AGBL4: variants seen among roughly 807,000 people sequenced by gnomAD.
The protein encoded by AGBL4 is AGBL carboxypeptidase 4.
A neutral mutation model predicts 66.4 loss-of-function variants in AGBL4; 58 were observed. That is an observed-to-expected ratio of 0.87 (90% CI 0.71 to 1.09). AGBL4 has a LOEUF of 1.09. Ranked by LOEUF, AGBL4 falls within the 50% of genes least tolerant of loss-of-function variation. The pLI, the probability that AGBL4 is intolerant of heterozygous loss-of-function variation, is 0.00. For synonymous variants in AGBL4, 234 were observed against 222.9 expected (o/e 1.05, Z -0.44); for missense variants, 579 against 631.0 (o/e 0.92, Z 0.88).
intron 5 of AGBL4, among the ~76,000 whole-genome samples, chr1:48,868,682 C>T (rs1648351102): frequency 6.6e-6 from 1 of 152,142 alleles, no homozygotes; most frequent in Non-Finnish European, 1.5e-5. Context: ...TAAGATGGCT[C>T]TTACTTTTTC....
chr1:50,002,456 G>A (rs1021090095), intron 1 of AGBL4, among the ~76,000 whole-genome samples: 40 of 137,152 alleles, frequency 2.9e-4, no homozygotes, highest in African/African-American at 3.1e-4. Context: ...TGCAAGCTCC[G>A]CCTCCCGGGT....
At chr1:48,663,025 C>T in intron 7 of AGBL4, 127 bp downstream of exon 7, 1 of 833,970 alleles carries the variant, frequency 1.2e-6, no homozygotes, top group South Asian at 1.7e-5. Flanking sequence ...GGTAAAATCT[C>T]TTTAAAGAAA....
intron 6 of AGBL4, among the ~76,000 whole-genome samples, chr1:48,724,866 G>T (rs913499527): frequency 1.3e-5 from 2 of 152,164 alleles, no homozygotes; most frequent in Non-Finnish European, 2.9e-5. Flanking sequence ...TGTTGCCAGG[G>T]CTTCTGAAGA....
chr1:48,773,931 G>A (rs1644955544), intron 6 of AGBL4, among the ~76,000 whole-genome samples: 1 of 152,208 alleles, frequency 6.6e-6, no homozygotes, highest in Admixed American at 6.5e-5. Context: ...AACTGGGATT[G>A]TAATTTGATA....
intron 4 of AGBL4, among the ~76,000 whole-genome samples, chr1:49,133,551 C>T (rs1034472343): frequency 6.6e-6 from 1 of 152,042 alleles, no homozygotes; most frequent in Non-Finnish European, 1.5e-5. Flanking sequence ...CCATATTCCT[C>T]CATCAAATTG....
At chr1:49,280,136 A>G (rs1408765271) in intron 3 of AGBL4, among the ~76,000 whole-genome samples, 1 of 152,012 alleles carries the variant, frequency 6.6e-6, no homozygotes, top group Non-Finnish European at 1.5e-5. Flanking sequence ...GGCCCCACCT[A>G]GAAGGGACTC....
At chr1:48,608,705 A>G (rs1645190633) in intron 9 of AGBL4, among the ~76,000 whole-genome samples, 1 of 152,192 alleles carries the variant, frequency 6.6e-6, no homozygotes, top group African/African-American at 2.4e-5. Flanking sequence ...CTTTTTGTGT[A>G]CTTCTGCTAC....
chr1:49,841,803 A>G, intron 2 of AGBL4: 1 of 339,146 alleles, frequency 2.9e-6, no homozygotes, highest in East Asian at 7.0e-5. Context: ...ATGTGATAAA[A>G]AAAAAAAAAA....
intron 5 of AGBL4, among the ~76,000 whole-genome samples, chr1:49,041,217 T>C (rs1384431064): frequency 1.3e-5 from 2 of 152,134 alleles, no homozygotes; most frequent in Non-Finnish European, 2.9e-5. Flanking sequence ...TTCCCACTTG[T>C]AATTATCCTC....
chr1:49,320,883 C>G (rs1645120862), intron 3 of AGBL4, among the ~76,000 whole-genome samples: 1 of 152,060 alleles, frequency 6.6e-6, no homozygotes, highest in South Asian at 2.1e-4. Context: ...GAAGGGGAAG[C>G]AAGGCATGTC....
intron 3 of AGBL4, among the ~76,000 whole-genome samples, chr1:49,463,803 T>C (rs1646566826): frequency 6.6e-6 from 1 of 151,760 alleles, no homozygotes; most frequent in South Asian, 2.1e-4. Flanking sequence ...TCATTTCAAC[T>C]GAGTGTGCTA....
intron 3 of AGBL4, among the ~76,000 whole-genome samples, chr1:49,638,854 C>A (rs150552204): frequency 6.6e-6 from 1 of 152,120 alleles, no homozygotes; most frequent in Admixed American, 6.6e-5. Flanking sequence ...TACAAGTACT[C>A]GCCAAGAAGA....
intron 2 of AGBL4, among the ~76,000 whole-genome samples, chr1:49,787,177 C>A (rs867541110): frequency 6.6e-6 from 1 of 152,082 alleles, no homozygotes; most frequent in South Asian, 2.1e-4. Flanking sequence ...GGACATATCA[C>A]GTGATAAACT....
At chr1:49,857,493 G>A (rs1646464472) in intron 1 of AGBL4, among the ~76,000 whole-genome samples, 1 of 151,952 alleles carries the variant, frequency 6.6e-6, no homozygotes, top group Non-Finnish European at 1.5e-5. Context: ...AGCCATAATA[G>A]TCAAAATAAC....
At chr1:50,018,850 A>G (rs1225830688) in intron 1 of AGBL4, among the ~76,000 whole-genome samples, 1 of 152,154 alleles carries the variant, frequency 6.6e-6, no homozygotes, top group East Asian at 1.9e-4. Context: ...TAATATAGAA[A>G]ATCTAAAAGT....
intron 4 of AGBL4, among the ~76,000 whole-genome samples, chr1:49,065,863 TAGG>T: frequency 6.6e-6 from 1 of 152,200 alleles, no homozygotes; most frequent in East Asian, 1.9e-4. Context: ...CTGAGAGTTC[TAGG>T]AGGAATCCTA....
chr1:49,336,485 C>G (rs1233582280), intron 3 of AGBL4, among the ~76,000 whole-genome samples: 1 of 152,222 alleles, frequency 6.6e-6, no homozygotes, highest in Non-Finnish European at 1.5e-5. Context: ...ATCTGGGCCC[C>G]TGGTGGCCCA....
chr1:48,848,098 A>AT (rs1014376433), intron 6 of AGBL4, among the ~76,000 whole-genome samples: 3 of 152,110 alleles, frequency 2.0e-5, no homozygotes, highest in Non-Finnish European at 4.4e-5. Flanking sequence ...GAAAAAAAAA[A>AT]GTTTCTAATT....
intron 6 of AGBL4, among the ~76,000 whole-genome samples, chr1:48,765,065 T>C (rs1431328815): frequency 6.6e-6 from 1 of 152,228 alleles, no homozygotes; most frequent in African/African-American, 2.4e-5. Context: ...AAACTCTGCT[T>C]AGCTTCCACT....
Sources: gnomAD v4.1 joint callset for allele counts (sites outside exome capture counted in the v4.1 genomes callset) on GRCh38, gnomAD v4.1.1 for gene constraint, MANE v1.5 for transcripts, NCBI Gene and HGNC (gene_info 2026-07-23, HGNC 2026-07-21) for gene names.